Variants in SLC39A14 observed in about 807,000 individuals in gnomAD.
SLC39A14 encodes the protein solute carrier family 39 member 14.
In SLC39A14, 19 loss-of-function variants were observed where a neutral mutation model predicts 45.5. The observed-to-expected ratio is 0.42, with a 90% CI of 0.29 to 0.61. The LOEUF is 0.61. Ranked by LOEUF, SLC39A14 falls within the 20% of genes least tolerant of loss-of-function variation. SLC39A14 has a pLI of 0.22. For missense variants in SLC39A14, 447 were observed against 616.5 expected, an observed-to-expected ratio of 0.73 and a Z score of 2.91; for synonymous variants, 264 against 251.3, an observed-to-expected ratio of 1.05 and a Z score of -0.48.
In SLC39A14 at chr8:22,404,742, A is replaced by G. The variant is rs776240244; in HGVS notation, c.32A>G (p.Gln11Arg). 113 of 1,613,732 alleles carry G rather than the reference A, an allele frequency of 7.0e-5. No homozygotes were observed. Among genetic ancestry groups the G allele is most frequent in the Non-Finnish European group, 9.0e-5 (106 of 1,179,998 alleles). MKLLLLHPAFQSCLLLTLLGL... is the reference protein window; with the variant it reads MKLLLLHPAFRSCLLLTLLGL... ...CTGCTGCTGCTGCACCCGGCCTTCC[A>G]GAGCTGCCTCCTGCTGACCCTGCTT... The change falls in exon 2 of 9, where the codon CAG becomes CGG. Residue 11 changes from glutamine to arginine, a missense_variant. By Grantham distance (43) the Gln-to-Arg change is conservative. Coordinates refer to ENST00000381237, the MANE Select transcript of SLC39A14 (RefSeq NM_001128431.4).
chr8:22,384,415 G>C (rs1833671287), intron 1 of SLC39A14, among the ~76,000 whole-genome samples: 1 of 150,634 alleles, frequency 6.6e-6, no homozygotes. Context: ...GCCTGCCTTT[G>C]TGTCCCCCAC....
chr8:22,401,720 C>T (rs1158146442), intron 1 of SLC39A14, among the ~76,000 whole-genome samples: 1 of 151,694 alleles, frequency 6.6e-6, no homozygotes, highest in Non-Finnish European at 1.5e-5. Context: ...ATTTTTACTA[C>T]AGACGGGGTT....
intron 1 of SLC39A14, chr8:22,393,209 A>T (rs1834178066): frequency 2.0e-6 from 2 of 985,686 alleles, no homozygotes; most frequent in Middle Eastern, 5.1e-4. Flanking sequence ...CAGGAGCTGG[A>T]GGAAGATAAT....
chr8:22,415,688 A>C, intron 5 of SLC39A14, 81 bp from the exon 6 acceptor site: 1 of 1,345,818 alleles, frequency 7.4e-7, no homozygotes, highest in Non-Finnish European at 1.0e-6. Flanking sequence ...CAGTGTGTGA[A>C]GCACTTCCTT....
intron 1 of SLC39A14, among the ~76,000 whole-genome samples, chr8:22,399,599 T>G (rs1221329288): frequency 1.3e-5 from 2 of 152,214 alleles, no homozygotes; most frequent in African/African-American, 2.4e-5. Context: ...GCACACGTCC[T>G]GGAGGAAAGA....
At chr8:22,385,911 A>G (rs1833766928) in intron 1 of SLC39A14, among the ~76,000 whole-genome samples, 1 of 152,150 alleles carries the variant, frequency 6.6e-6, no homozygotes, top group Non-Finnish European at 1.5e-5. Flanking sequence ...GGTTGAAGCA[A>G]GGAAAGTGAT....
chr8:22,368,486 C>CTTTTA (rs869157776), intron 1 of SLC39A14, among the ~76,000 whole-genome samples: 6,299 of 147,524 alleles, frequency 0.043, 164 homozygotes, highest in Middle Eastern at 0.059. Flanking sequence ...ATCCTTCCCT[C>CTTTTA]TTTTATTTTA....
At chr8:22,391,871 G>C (rs984969234) in intron 1 of SLC39A14, among the ~76,000 whole-genome samples, 1 of 152,130 alleles carries the variant, frequency 6.6e-6, no homozygotes, top group South Asian at 2.1e-4. Context: ...CCCGGCCAGG[G>C]CTCCCTGTTC....
At chr8:22,407,628 T>C (rs935950893) in intron 2 of SLC39A14, among the ~76,000 whole-genome samples, 3 of 152,024 alleles carry the variant, frequency 2.0e-5, no homozygotes, top group African/African-American at 7.2e-5. Flanking sequence ...CCCAAAGTGC[T>C]GGGATTACAG....
intron 1 of SLC39A14, among the ~76,000 whole-genome samples, chr8:22,373,669 C>T (rs62492575): frequency 3.3e-5 from 5 of 151,974 alleles, no homozygotes; most frequent in Non-Finnish European, 5.9e-5. Flanking sequence ...ACAGTAATTT[C>T]AGAATTACTG....
chr8:22,368,972 G>T (rs1481041520), intron 1 of SLC39A14, among the ~76,000 whole-genome samples: 1 of 152,114 alleles, frequency 6.6e-6, no homozygotes, highest in African/African-American at 2.4e-5. Context: ...CCACCCCAAG[G>T]ATATACATCC....
chr8:22,433,982 G>T (rs188006023), exon 9 of SLC39A14: 1 of 417,310 alleles, frequency 2.4e-6, no homozygotes, highest in African/African-American at 2.1e-5. Context: ...CGATTATCCT[G>T]TCTAAGCCTC....
chr8:22,428,069 C>G (rs537523609), intron 8 of SLC39A14, among the ~76,000 whole-genome samples: 4 of 152,048 alleles, frequency 2.6e-5, no homozygotes, highest in Admixed American at 2.0e-4. Flanking sequence ...GAGGCTGAGG[C>G]GGGTGGATCA....
In SLC39A14 at chr8:22,422,565, AT is replaced by A. The variant is rs934804120; in HGVS notation, c.*2874del. On this transcript the variant is annotated 3_prime_UTR_variant, in exon 9 of 9. Transcript: ENST00000381237. ...TACAGTTCTGCAGTTCCATCACAGT[AT>A]TTTTTTAAATAACTCAGGTGTATGA... 7.1e-6 allele frequency: 7 copies of A among 985,002 alleles called. No individual in the cohort carries two copies. Among genetic ancestry groups the A allele is most frequent in the African/African-American group, 1.7e-5 (1 of 57,220 alleles). The allele number at this position is 985,002 out of a possible 1,614,324, so 61.0% of individuals were successfully genotyped here.
At chr8:22,403,898 A>G (rs532442935) in intron 1 of SLC39A14, among the ~76,000 whole-genome samples, 16 of 147,102 alleles carry the variant, frequency 1.1e-4, no homozygotes, top group Middle Eastern at 3.4e-3. Context: ...AGCCTGGGAG[A>G]CAGAAAGACT....
At chr8:22,401,396 C>T (rs1488929014) in intron 1 of SLC39A14, among the ~76,000 whole-genome samples, 1 of 152,150 alleles carries the variant, frequency 6.6e-6, no homozygotes, top group Non-Finnish European at 1.5e-5. Flanking sequence ...GACTCATTTT[C>T]CCCTCTGGAT....
Position 22,368,778 on chromosome 8 carries a change from C to T in SLC39A14, c.-16+1370C>T, listed in dbSNP as rs571381502. On this transcript the variant is annotated intron_variant, in intron 1 of 8. Transcript: ENST00000381237. ...GTCTCGATCTCCTGACCTCGTGATC[C>T]GCCCACCTCAGCCTTCCAGAGTGCT... 1.2e-4 allele frequency among the ~76,000 whole-genome samples: 18 copies of T among 152,226 alleles called. No individual in the cohort carries two copies. The South Asian group carries it at 2.3e-3, about 19-fold the overall frequency.
chr8:22,421,954 C>A lies in SLC39A14; in HGVS notation c.*2256C>A. Reference sequence around the variant, plus strand: ...GAAATCCTCTTTAAACCGTAGTTGGCGCAGAGGTCAGTCCTAGTCGGAGCT... The same window carrying A: ...GAAATCCTCTTTAAACCGTAGTTGGAGCAGAGGTCAGTCCTAGTCGGAGCT... On this transcript the variant is annotated 3_prime_UTR_variant, in exon 9 of 9. Transcript: ENST00000381237. 1.0e-6 allele frequency: 1 copy of A among 985,440 alleles called. No individual in the cohort carries two copies. The highest frequency in any genetic ancestry group is 1.2e-6 in the Non-Finnish European group (1 of 829,940). 61.0% of individuals were successfully genotyped at this position (985,440 alleles called of 1,614,324 possible).
chr8:22,380,920 A>AC (rs1480311385), intron 1 of SLC39A14, among the ~76,000 whole-genome samples: 1 of 147,146 alleles, frequency 6.8e-6, no homozygotes, highest in Non-Finnish European at 1.5e-5. Flanking sequence ...CACACAATCC[A>AC]CCCCCTTGGC....
Sources: gnomAD v4.1 joint callset for allele counts (sites outside exome capture counted in the v4.1 genomes callset) on GRCh38, gnomAD v4.1.1 for gene constraint, MANE v1.5 for transcripts, NCBI Gene and HGNC (gene_info 2026-07-23, HGNC 2026-07-21) for gene names.